PTPRO: variants seen among roughly 807,000 people sequenced by gnomAD.
PTPRO encodes the protein receptor-type tyrosine-protein phosphatase O.
Under a neutral mutation model 145.2 loss-of-function variants are expected in PTPRO, and 62 were observed. That is an observed-to-expected ratio of 0.43 (90% CI 0.35 to 0.53). The LOEUF is 0.53. Among genes scored for constraint, PTPRO ranks in the 20% least tolerant of loss-of-function variants. PTPRO has a pLI of 0.01. For missense variants in PTPRO, 1,345 were observed against 1,482.7 expected, an observed-to-expected ratio of 0.91 and a Z score of 1.53; for synonymous variants, 565 against 514.7, an observed-to-expected ratio of 1.10 and a Z score of -1.32.
Position 15,370,000 on chromosome 12 carries a change from C to T in PTPRO, c.75+47199C>T, listed in dbSNP as rs538349888. On this transcript the variant is annotated intron_variant, in intron 1 of 26. Coordinates refer to ENST00000281171, the MANE Select transcript of PTPRO (RefSeq NM_030667.3). ...CCGGGAAGTGGAGGTTGCAGTGAGA[C>T]GAGATCGCCCCACTCCACTCCAGCC... 6.5e-3 allele frequency among the ~76,000 whole-genome samples: 995 copies of T among 152,214 alleles called. 9 individuals are homozygous for T. The highest frequency in any genetic ancestry group is 0.023 in the African/African-American group (950 of 41,516).
At chr12:15,500,158 A>G (rs1322342690) in intron 4 of PTPRO, among the ~76,000 whole-genome samples, 1 of 152,080 alleles carries the variant, frequency 6.6e-6, no homozygotes, top group African/African-American at 2.4e-5. Flanking sequence ...ATATCTACTA[A>G]GTACCCATCA....
At chr12:15,582,833 C>CA (rs955847199) in intron 23 of PTPRO, among the ~76,000 whole-genome samples, 3 of 151,584 alleles carry the variant, frequency 2.0e-5, no homozygotes, top group Non-Finnish European at 4.4e-5. Context: ...ATAACACATC[C>CA]AAAAAAAATG....
chr12:15,460,628 G>C (rs971032654), intron 1 of PTPRO, among the ~76,000 whole-genome samples: 42 of 152,108 alleles, frequency 2.8e-4, no homozygotes, highest in African/African-American at 9.9e-4. Flanking sequence ...GCCAACCTAG[G>C]TAAGCTATAT....
intron 15 of PTPRO, among the ~76,000 whole-genome samples, chr12:15,552,795 C>CTTTTTTTTTTTT (rs747379253): frequency 1.1e-5 from 1 of 91,548 alleles, no homozygotes; most frequent in Non-Finnish European, 2.0e-5. Context: ...GAGGTCAAAT[C>CTTTTTTTTTTTT]TTTTTTTTTT....
chr12:15,560,835 A>G (rs11829270), intron 17 of PTPRO, among the ~76,000 whole-genome samples: 8,250 of 152,116 alleles, frequency 0.054, 729 homozygotes, highest in African/African-American at 0.18. Context: ...GGGCTTACGG[A>G]GATTTACTGT....
Position 15,509,622 on chromosome 12 carries a change from G to A in PTPRO, c.1464+855G>A, listed in dbSNP as rs1165542653. Among the ~76,000 whole-genome samples the A allele has an allele frequency of 9.4e-5, 11 of 117,250 alleles. No individual in the cohort carries two copies. In the South Asian group the frequency reaches 1.8e-3, roughly 20 times the overall value. 76.9% of individuals were successfully genotyped at this position (117,250 alleles called of 152,430 possible). ...TGAGGCAAGAGAATCACTTGAACCC[G>A]GGAGGTGGGGGTTGCAGTGAGCCCA... On this transcript the variant is annotated intron_variant, in intron 7 of 26. Coordinates refer to ENST00000281171, the MANE Select transcript of PTPRO (RefSeq NM_030667.3).
intron 1 of PTPRO, among the ~76,000 whole-genome samples, chr12:15,432,523 A>G (rs1480443022): frequency 2.0e-5 from 3 of 152,242 alleles, no homozygotes; most frequent in African/African-American, 7.2e-5. Context: ...ATACCCAGTA[A>G]TGGGATTGTG....
At chr12:15,367,897 A>G (rs1938410540) in intron 1 of PTPRO, among the ~76,000 whole-genome samples, 1 of 152,154 alleles carries the variant, frequency 6.6e-6, no homozygotes, top group African/African-American at 2.4e-5. Flanking sequence ...CCTGGAGTGA[A>G]GGGAGTCATA....
intron 1 of PTPRO, among the ~76,000 whole-genome samples, chr12:15,409,917 G>A (rs1939750792): frequency 6.6e-6 from 1 of 152,162 alleles, no homozygotes; most frequent in Non-Finnish European, 1.5e-5. Flanking sequence ...TATGAGTGGG[G>A]ATATATGATT....
intron 1 of PTPRO, among the ~76,000 whole-genome samples, chr12:15,433,259 TC>T (rs1460258354): frequency 6.8e-6 from 1 of 147,684 alleles, no homozygotes; most frequent in African/African-American, 2.5e-5. Flanking sequence ...CACTGCAACC[TC>T]TGCCTCCTGG....
chr12:15,371,224 C>G lies in PTPRO; in HGVS notation c.75+48423C>G, dbSNP rs188435468. On this transcript the variant is annotated intron_variant, in intron 1 of 26. Coordinates refer to ENST00000281171, the MANE Select transcript of PTPRO (RefSeq NM_030667.3). ...TTCTAATGTTAAATAAAGAACATAA[C>G]CTCAAGCTCACTATTTTTTTTTTTT... is the stretch of plus-strand genomic sequence containing the variant. Among the ~76,000 whole-genome samples, 419 of 151,512 alleles carry G rather than the reference C, an allele frequency of 2.8e-3. 3 individuals carry two copies. The highest frequency in any genetic ancestry group is 9.9e-3 in the African/African-American group (411 of 41,382).
intron 17 of PTPRO, 34 bp from the exon 18 acceptor site, chr12:15,565,559 C>G (rs1565432655): frequency 7.4e-7 from 1 of 1,350,992 alleles, no homozygotes; most frequent in Non-Finnish European, 1.1e-6. Context: ...TTCTTCTGCC[C>G]AGATAAATTT....
intron 1 of PTPRO, among the ~76,000 whole-genome samples, chr12:15,342,407 T>A (rs1867028120): frequency 6.7e-6 from 1 of 149,590 alleles, no homozygotes; most frequent in Admixed American, 6.6e-5. Context: ...ATGTTATATT[T>A]GAGCATAATT....
intron 1 of PTPRO, among the ~76,000 whole-genome samples, chr12:15,336,594 A>G (rs1866770910): frequency 6.6e-6 from 1 of 152,220 alleles, no homozygotes; most frequent in East Asian, 1.9e-4. Context: ...ACTGTGCATA[A>G]GGAACTTAAG....
In PTPRO at chr12:15,439,896, A is replaced by T. The variant is rs966558135; in HGVS notation, c.76-44078A>T. 1.2e-5 allele frequency: 8 copies of T among 657,624 alleles called. No individual in the cohort carries two copies. In the African/African-American group the frequency reaches 1.4e-4, roughly 12 times the overall value. The allele number at this position is 657,624 out of a possible 1,614,324, so 40.7% of individuals were successfully genotyped here. On this transcript the variant is annotated intron_variant, in intron 1 of 26. Coordinates refer to ENST00000281171, the MANE Select transcript of PTPRO (RefSeq NM_030667.3). ...CACGTCGGCCAGCACACCAAGTTCA[A>T]GGTGTTTGTTGCCATTGGGGACTAC...
At chr12:15,534,404 A>G (rs1419615517) in intron 12 of PTPRO, among the ~76,000 whole-genome samples, 1 of 152,196 alleles carries the variant, frequency 6.6e-6, no homozygotes, top group Admixed American at 6.5e-5. Context: ...TATATTAAGA[A>G]CCTTCTAAGT....
At position 15,581,715 on chromosome 12, in the gene PTPRO, C is replaced by T; in HGVS notation, c.3169C>T (p.Pro1057Ser). 1 of 1,613,964 alleles carries T rather than the reference C, an allele frequency of 6.2e-7. No individual in the cohort carries two copies. Among genetic ancestry groups the T allele is most frequent in the South Asian group, 1.1e-5 (1 of 91,082 alleles). The change falls in exon 23 of 27, where the codon CCT becomes TCT. Residue 1057 changes from proline to serine, a missense_variant. Physicochemically the swap from Pro to Ser is moderately conservative, Grantham distance 74. Transcript: ENST00000281171. ...CCATTACTGGCCATTCACGGAAGAACCTATAGCCTATGGAGACATCACTGT... is the reference window on the plus strand; with the variant it reads ...CCATTACTGGCCATTCACGGAAGAATCTATAGCCTATGGAGACATCACTGT... The part of the protein sequence containing the change: ...CDHYWPFTEE[P>S]IAYGDITVEM...
chr12:15,370,037 G>C (rs909847635), intron 1 of PTPRO, among the ~76,000 whole-genome samples: 2 of 145,786 alleles, frequency 1.4e-5, no homozygotes, highest in Non-Finnish European at 1.5e-5. Flanking sequence ...GGGCAACAGA[G>C]CAAGACTCCA....
chr12:15,473,109 A>T (rs928149889), intron 1 of PTPRO, among the ~76,000 whole-genome samples: 5 of 152,190 alleles, frequency 3.3e-5, no homozygotes, highest in African/African-American at 2.4e-5. Flanking sequence ...TTAGAGTGGG[A>T]AAGAAGCAGT....
Sources: allele counts gnomAD v4.1 joint callset (sites outside exome capture counted in the v4.1 genomes callset), GRCh38; gene constraint gnomAD v4.1.1; transcripts MANE v1.5; gene names NCBI Gene and HGNC (gene_info 2026-07-23, HGNC 2026-07-21).